SYCP1: variants seen among roughly 807,000 people sequenced by gnomAD.
SYCP1 encodes the protein synaptonemal complex protein 1.
Under a neutral mutation model 153.1 loss-of-function variants are expected in SYCP1, and 64 were observed. The observed-to-expected ratio is 0.42, with a 90% CI of 0.34 to 0.51. SYCP1 has a LOEUF of 0.51. Among genes scored for constraint, SYCP1 ranks in the 20% least tolerant of loss-of-function variants. The pLI, the probability that SYCP1 is intolerant of heterozygous loss-of-function variation, is 0.06. For missense variants in SYCP1, 997 were observed against 1,049.0 expected, an observed-to-expected ratio of 0.95 and a Z score of 0.68; for synonymous variants, 384 against 341.8, an observed-to-expected ratio of 1.12 and a Z score of -1.36.
At chr1:114,945,265 T>C (rs34715329) in intron 25 of SYCP1, among the ~76,000 whole-genome samples, 6,449 of 152,142 alleles carry the variant, frequency 0.042, 201 homozygotes, top group Middle Eastern at 0.092. Context: ...TAGTCTCTTA[T>C]AGCACTTTCT....
At chr1:114,907,476 T>C (rs949893078) in intron 16 of SYCP1, among the ~76,000 whole-genome samples, 1 of 152,228 alleles carries the variant, frequency 6.6e-6, no homozygotes, top group Admixed American at 6.5e-5. Flanking sequence ...ATTTTATCTA[T>C]ACTTCTCTGC....
chr1:114,908,411 A>T (rs1667959045), intron 16 of SYCP1, among the ~76,000 whole-genome samples: 2 of 152,104 alleles, frequency 1.3e-5, no homozygotes, highest in South Asian at 2.1e-4. Flanking sequence ...CTTTCTTCAA[A>T]TATGGGAAGT....
Position 114,994,966 on chromosome 1 carries a change from G to A in SYCP1, c.2878G>A (p.Ala960Thr). The change falls in exon 32 of 32, where the codon GCT becomes ACT. Residue 960 changes from alanine to threonine, a missense_variant. By Grantham distance (58) the Ala-to-Thr change is moderately conservative. Around this residue, in one of 2 missense-constraint regions of SYCP1, gnomAD observed 712 missense variants for 682.9 expected, o/e 1.04. Transcript: ENST00000369522. ...KMREDRWAVIAKMDRKKKLKE... is the reference protein window; with the variant it reads ...KMREDRWAVITKMDRKKKLKE... ...GCGGGAGGACCGTTGGGCTGTAATT[G>A]CTAAAATGGATAGAAAAAAAAAACT... 2 of 1,607,238 alleles carry A rather than the reference G, an allele frequency of 1.2e-6. No homozygotes were observed. The highest frequency in any genetic ancestry group is 1.7e-6 in the Non-Finnish European group (2 of 1,176,442).
At chr1:114,916,649 G>GTT (rs57260757) in intron 20 of SYCP1, among the ~76,000 whole-genome samples, 52 of 143,000 alleles carry the variant, frequency 3.6e-4, no homozygotes, top group African/African-American at 4.5e-4. Context: ...ATCTTTTGAG[G>GTT]TTTTTTTTTT....
chr1:114,887,373 C>G (rs1666383951), intron 14 of SYCP1, among the ~76,000 whole-genome samples: 1 of 151,836 alleles, frequency 6.6e-6, no homozygotes, highest in Non-Finnish European at 1.5e-5. Flanking sequence ...TAAGAGAAAA[C>G]TTATACCATA....
chr1:114,911,619 T>G lies in SYCP1; in HGVS notation c.1529+37T>G. The G allele has an allele frequency of 2.7e-6, 3 of 1,124,230 alleles. No homozygotes were observed. The South Asian group carries it at 7.1e-5, about 26-fold the overall frequency. The allele number at this position is 1,124,230 out of a possible 1,614,324, so 69.6% of individuals were successfully genotyped here. ...ATTTATCTAAAAATAGTTTATGTACTCAATTCCTAAGCTTTCTGATAATAA... is the reference window on the plus strand; with the variant it reads ...ATTTATCTAAAAATAGTTTATGTACGCAATTCCTAAGCTTTCTGATAATAA... On this transcript the variant is annotated intron_variant, in intron 18 of 31. Transcript: ENST00000369522.
intron 27 of SYCP1, among the ~76,000 whole-genome samples, chr1:114,968,951 G>T (rs78493307): frequency 0.033 from 5,041 of 152,270 alleles, 275 homozygotes; most frequent in African/African-American, 0.11. Context: ...CTGTAGGTCT[G>T]CTGGAGTTTG....
At chr1:114,958,765 A>G (rs1671597011) in intron 27 of SYCP1, among the ~76,000 whole-genome samples, 1 of 149,704 alleles carries the variant, frequency 6.7e-6, no homozygotes, top group Non-Finnish European at 1.5e-5. Context: ...CTAAAAAAAA[A>G]AAAAAAAAAA....
At chr1:114,928,188 A>G (rs1194409470) in intron 23 of SYCP1, among the ~76,000 whole-genome samples, 1 of 152,192 alleles carries the variant, frequency 6.6e-6, no homozygotes, top group African/African-American at 2.4e-5. Context: ...TTGCAGATCC[A>G]TGGCCCTCAG....
intron 15 of SYCP1, among the ~76,000 whole-genome samples, chr1:114,893,718 T>A (rs1666883112): frequency 6.6e-6 from 1 of 152,150 alleles, no homozygotes; most frequent in South Asian, 2.1e-4. Flanking sequence ...CCCACTTGTG[T>A]ATTACAATCT....
chr1:114,934,591 T>G (rs1669862693), intron 23 of SYCP1, among the ~76,000 whole-genome samples: 1 of 152,018 alleles, frequency 6.6e-6, no homozygotes, highest in Non-Finnish European at 1.5e-5. Context: ...GGCTAAATAC[T>G]CCAATTAAAA....
intron 27 of SYCP1, among the ~76,000 whole-genome samples, chr1:114,952,640 C>T (rs1671182091): frequency 6.6e-6 from 1 of 152,132 alleles, no homozygotes; most frequent in Non-Finnish European, 1.5e-5. Flanking sequence ...CTTGTGAGAA[C>T]TCACTGTCAC....
intron 23 of SYCP1, among the ~76,000 whole-genome samples, chr1:114,943,697 A>G (rs1670523088): frequency 6.6e-6 from 1 of 151,766 alleles, no homozygotes; most frequent in South Asian, 2.1e-4. Context: ...TCTATATTTT[A>G]AAGTCGATGA....
At chr1:114,942,373 C>A (rs918131361) in intron 23 of SYCP1, among the ~76,000 whole-genome samples, 1 of 151,824 alleles carries the variant, frequency 6.6e-6, no homozygotes, top group Non-Finnish European at 1.5e-5. Flanking sequence ...CAAGAACACT[C>A]GGACATTTAA....
At chr1:114,876,203 C>A (rs1665520210) in intron 10 of SYCP1, 65 bp downstream of exon 10, 2 of 1,096,162 alleles carry the variant, frequency 1.8e-6, no homozygotes, top group Admixed American at 2.6e-5. Context: ...TTATCAGATT[C>A]CGTTAATGTC....
intron 23 of SYCP1, among the ~76,000 whole-genome samples, chr1:114,929,112 C>A (rs1669456077): frequency 6.6e-6 from 1 of 152,064 alleles, no homozygotes; most frequent in African/African-American, 2.4e-5. Context: ...TCCTTATGAC[C>A]TAATCACTTC....
At chr1:114,969,496 C>A (rs202010389) in intron 27 of SYCP1, among the ~76,000 whole-genome samples, 1 of 152,144 alleles carries the variant, frequency 6.6e-6, no homozygotes, top group Non-Finnish European at 1.5e-5. Flanking sequence ...CCACCTCCCC[C>A]AACAAGCTCA....
At chr1:114,870,188 A>G (rs927603408) in intron 8 of SYCP1, among the ~76,000 whole-genome samples, 4 of 151,666 alleles carry the variant, frequency 2.6e-5, no homozygotes, top group African/African-American at 4.9e-5. Flanking sequence ...TAATTTTTCT[A>G]TTTTTTGTAG....
Position 114,944,771 on chromosome 1 carries a change from T to A in SYCP1, c.2044-101T>A, listed in dbSNP as rs1051055481. 1.9e-4 allele frequency: 167 copies of A among 867,444 alleles called. 2 individuals are homozygous for A. In the Middle Eastern group the frequency reaches 3.2e-3, roughly 16 times the overall value. The allele number at this position is 867,444 out of a possible 1,614,324, so 53.7% of individuals were successfully genotyped here. A position where few individuals can be genotyped will look rare whatever the true frequency, so the allele number is the denominator to read the frequency against. On this transcript the variant is annotated intron_variant, in intron 24 of 31. Coordinates refer to ENST00000369522, the MANE Select transcript of SYCP1 (RefSeq NM_003176.4). The stretch of plus-strand genomic sequence containing the variant: ...TACTTGTTTTTCCAGTTTCCTGGTG[T>A]TTGAGGTTTGCTTTTATTTAAGTAG...
Sources: gnomAD v4.1 joint callset for allele counts (sites outside exome capture counted in the v4.1 genomes callset) on GRCh38, gnomAD v4.1.1 for gene constraint, gnomAD v4.1.1 regional missense constraint, MANE v1.5 for transcripts, NCBI Gene and HGNC (gene_info 2026-07-23, HGNC 2026-07-21) for gene names.